Variants in CAMKMT observed in about 807,000 individuals in gnomAD.
The protein encoded by CAMKMT is calmodulin-lysine N-methyltransferase, also known as CaM KMT.
CAMKMT carries 53 observed loss-of-function variants against 48.0 expected under a neutral mutation model. The ratio of observed to expected loss-of-function variants is 1.10; its 90% CI spans 0.89 to 1.39. The LOEUF (loss-of-function observed/expected upper bound fraction) is 1.39, where lower values mean the gene tolerates loss of function less well. Ranked by LOEUF, CAMKMT falls within the 40% of genes most tolerant of loss-of-function variation. CAMKMT has a pLI of 0.00. For missense variants in CAMKMT, 428 were observed against 402.7 expected (o/e 1.06, Z -0.54); for synonymous variants, 165 against 152.3 (o/e 1.08, Z -0.61).
chr2:44,567,392 A>G (rs566771902), intron 3 of CAMKMT, among the ~76,000 whole-genome samples: 1 of 152,302 alleles, frequency 6.6e-6, no homozygotes, highest in East Asian at 1.9e-4. Flanking sequence ...AGGAATACTC[A>G]TATTTCTGCC....
intron 9 of CAMKMT, among the ~76,000 whole-genome samples, chr2:44,762,333 A>G (rs1455402325): frequency 6.6e-6 from 1 of 152,244 alleles, no homozygotes; most frequent in Non-Finnish European, 1.5e-5. Context: ...ATAAATGACA[A>G]CAAAGAAATA....
chr2:44,704,946 A>G lies in CAMKMT; in HGVS notation c.437+603A>G, dbSNP rs561508185. ...CCATGGATGGAATTTAGGAAAAAAA[A>G]AAAAAACTTTATTTGAAAATTCTAA... On this transcript the variant is annotated intron_variant, in intron 4 of 10. Transcript: ENST00000378494. 2.0e-5 allele frequency among the ~76,000 whole-genome samples: 3 copies of G among 152,228 alleles called. No homozygotes were observed. In the East Asian group the frequency reaches 5.8e-4, roughly 29 times the overall value.
chr2:44,581,872 G>A (rs756403891), intron 3 of CAMKMT, among the ~76,000 whole-genome samples: 13 of 152,164 alleles, frequency 8.5e-5, no homozygotes, highest in African/African-American at 1.2e-4. Context: ...GGTGCCGCGC[G>A]CCTGTAGTCC....
In CAMKMT at chr2:44,482,570, C is replaced by T. The variant is rs1254539297; in HGVS notation, c.376+92265C>T. Among the ~76,000 whole-genome samples, 7 of 151,994 alleles carry T rather than the reference C, an allele frequency of 4.6e-5. No homozygotes were observed. The South Asian group carries it at 6.2e-4, about 13-fold the overall frequency. On this transcript the variant is annotated intron_variant, in intron 3 of 10. Transcript: ENST00000378494. ...AATATATTTACTTATAAACATTTAA[C>T]GAAAATATTATTATTAAACATAGTT...
intron 3 of CAMKMT, among the ~76,000 whole-genome samples, chr2:44,528,626 G>T (rs1234297797): frequency 6.6e-6 from 1 of 151,848 alleles, no homozygotes; most frequent in East Asian, 1.9e-4. Flanking sequence ...TTTCTTTATT[G>T]TCAGTTTGTT....
chr2:44,731,545 C>T (rs1486335158), intron 7 of CAMKMT, among the ~76,000 whole-genome samples: 1 of 152,160 alleles, frequency 6.6e-6, no homozygotes, highest in African/African-American at 2.4e-5. Flanking sequence ...AAACTTGAAA[C>T]AGAGACTCTC....
At chr2:44,546,695 C>G (rs1190025998) in intron 3 of CAMKMT, among the ~76,000 whole-genome samples, 1 of 152,216 alleles carries the variant, frequency 6.6e-6, no homozygotes, top group Non-Finnish European at 1.5e-5. Context: ...ATAGCCCTCT[C>G]TTTTCACTTA....
intron 3 of CAMKMT, among the ~76,000 whole-genome samples, chr2:44,569,265 A>G (rs554735889): frequency 6.6e-6 from 1 of 152,314 alleles, no homozygotes; most frequent in Admixed American, 6.5e-5. Flanking sequence ...AGTTACTTGC[A>G]ATATTTCTGC....
intron 10 of CAMKMT, 43 bp from the exon 11 acceptor site, chr2:44,771,993 A>G (rs1249018129): frequency 7.6e-7 from 1 of 1,321,602 alleles, no homozygotes; most frequent in Admixed American, 1.8e-5. Context: ...AAAGATCCCT[A>G]ATTGGAGTCC....
At chr2:44,384,751 C>T (rs1039108031) in intron 2 of CAMKMT, among the ~76,000 whole-genome samples, 1 of 151,922 alleles carries the variant, frequency 6.6e-6, no homozygotes, top group Non-Finnish European at 1.5e-5. Flanking sequence ...CTTTCCCCCA[C>T]TTTTTGTTTT....
chr2:44,426,154 A>G (rs1407300711), intron 3 of CAMKMT, among the ~76,000 whole-genome samples: 1 of 152,252 alleles, frequency 6.6e-6, no homozygotes, highest in African/African-American at 2.4e-5. Flanking sequence ...CTATCACTAA[A>G]ACATAGTTTA....
At chr2:44,585,021 C>T (rs1049560742) in intron 3 of CAMKMT, among the ~76,000 whole-genome samples, 12 of 151,510 alleles carry the variant, frequency 7.9e-5, no homozygotes, top group Non-Finnish European at 1.5e-4. Context: ...CACCACTGCA[C>T]TCCAGCCTGG....
chr2:44,397,503 C>T (rs1470853755), intron 3 of CAMKMT, among the ~76,000 whole-genome samples: 3 of 152,098 alleles, frequency 2.0e-5, no homozygotes, highest in Admixed American at 1.3e-4. Flanking sequence ...AGGTTGGCTT[C>T]GGTTGCTAGA....
intron 3 of CAMKMT, among the ~76,000 whole-genome samples, chr2:44,520,376 C>G (rs919058790): frequency 6.6e-6 from 1 of 152,092 alleles, no homozygotes; most frequent in Non-Finnish European, 1.5e-5. Flanking sequence ...CGTGGACTCC[C>G]AAGTTGCTAG....
intron 3 of CAMKMT, among the ~76,000 whole-genome samples, chr2:44,505,208 AT>A (rs1240811173): frequency 6.6e-6 from 1 of 152,156 alleles, no homozygotes; most frequent in Non-Finnish European, 1.5e-5. Context: ...AACAAACCAT[AT>A]TGAAACTAGA....
chr2:44,380,664 A>G (rs1183402273), intron 2 of CAMKMT, among the ~76,000 whole-genome samples: 1 of 152,218 alleles, frequency 6.6e-6, no homozygotes, highest in Non-Finnish European at 1.5e-5. Flanking sequence ...AATTAGAACT[A>G]ACTTCTTATA....
chr2:44,370,838 C>T (rs1679100742), intron 1 of CAMKMT, among the ~76,000 whole-genome samples: 1 of 152,098 alleles, frequency 6.6e-6, no homozygotes, highest in South Asian at 2.1e-4. Flanking sequence ...AGAGATAGAG[C>T]CTCACTCTGT....
intron 3 of CAMKMT, among the ~76,000 whole-genome samples, chr2:44,540,516 C>G (rs1222639120): frequency 6.6e-6 from 1 of 152,032 alleles, no homozygotes; most frequent in Admixed American, 6.6e-5. Context: ...TTTGGGAGGC[C>G]GAGGTGTGCG....
At chr2:44,477,046 T>C (rs1242397880) in intron 3 of CAMKMT, among the ~76,000 whole-genome samples, 1 of 152,180 alleles carries the variant, frequency 6.6e-6, no homozygotes, top group East Asian at 1.9e-4. Flanking sequence ...ATATAGAGAA[T>C]TTAGGAAAAT....
Sources: gnomAD v4.1 joint callset for allele counts (sites outside exome capture counted in the v4.1 genomes callset) on GRCh38, gnomAD v4.1.1 for gene constraint, MANE v1.5 for transcripts, NCBI Gene and HGNC (gene_info 2026-07-23, HGNC 2026-07-21) for gene names.